Variants in DSE observed in about 807,000 individuals in gnomAD.
DSE encodes dermatan sulfate epimerase, also known as dermatan-sulfate epimerase.
Under a neutral mutation model 84.4 loss-of-function variants are expected in DSE, and 36 were observed. The observed-to-expected ratio is 0.43, with a 90% CI of 0.33 to 0.56. The LOEUF (loss-of-function observed/expected upper bound fraction) is 0.56, where lower values mean the gene tolerates loss of function less well. Ranked by LOEUF, DSE falls within the 20% of genes least tolerant of loss-of-function variation. The probability of loss-of-function intolerance (pLI) is 0.06; values close to 1 mark genes in which losing one functional copy is unlikely to be tolerated. For synonymous variants in DSE, 410 were observed against 430.1 expected (o/e 0.95, Z 0.58); for missense variants, 862 against 1,169.6 (o/e 0.74, Z 3.84).
rs576498950 is a variant in DSE, at chr6:116,399,438, C to T, written c.188C>T (p.Ser63Leu). 2 of 1,614,210 alleles carry T rather than the reference C, an allele frequency of 1.2e-6. No homozygotes were observed. The highest frequency in any genetic ancestry group is 1.7e-6 in the Non-Finnish European group (2 of 1,180,044). ...GAGCTGCAGCTCAGGGCTGCCAGCT[C>T]GCACGAGCACATTGCAGCCCGCCTC... ...VAELQLRAAS[S>L]HEHIAARLTE... The change falls in exon 2 of 6, where the codon TCG becomes TTG. Residue 63 changes from serine to leucine, a missense_variant. By Grantham distance (145) the Ser-to-Leu change is moderately radical. Transcript: ENST00000644252.
chr6:116,332,730 T>G (rs1255875600), intron 2 of DSE, among the ~76,000 whole-genome samples: 1 of 152,250 alleles, frequency 6.6e-6, no homozygotes, highest in Non-Finnish European at 1.5e-5. Context: ...CCTCAGTTTA[T>G]GAAAAGACAC....
chr6:116,342,619 G>A (rs1777679002), intron 2 of DSE, among the ~76,000 whole-genome samples: 1 of 152,188 alleles, frequency 6.6e-6, no homozygotes, highest in Middle Eastern at 3.2e-3. Context: ...GGCAAAATTT[G>A]TAAAAACCTT....
intron 2 of DSE, among the ~76,000 whole-genome samples, chr6:116,286,536 G>A (rs1208148918): frequency 2.0e-5 from 3 of 152,062 alleles, no homozygotes; most frequent in Non-Finnish European, 2.9e-5. Flanking sequence ...TTCTAAAAGA[G>A]TCTTTACTTT....
intron 2 of DSE, among the ~76,000 whole-genome samples, chr6:116,334,884 A>G (rs1172889419): frequency 1.3e-5 from 2 of 152,228 alleles, no homozygotes; most frequent in Non-Finnish European, 2.9e-5. Flanking sequence ...AAAAGTCAAA[A>G]TATAACAGAT....
At chr6:116,325,214 G>A (rs1197061795) in intron 2 of DSE, among the ~76,000 whole-genome samples, 2 of 152,172 alleles carry the variant, frequency 1.3e-5, no homozygotes, top group Non-Finnish European at 2.9e-5. Context: ...AAACCCTGGC[G>A]AGTGAGACTC....
chr6:116,321,388 GTTCTAAAAC>G (rs1776310449), intron 2 of DSE, among the ~76,000 whole-genome samples: 1 of 2,716 alleles, frequency 3.7e-4, no homozygotes. Context: ...TGGCCAGGCT[GTTCTAAAAC>G]TCCTGGCCTC....
At chr6:116,301,316 C>T (rs899005908) in intron 2 of DSE, among the ~76,000 whole-genome samples, 5 of 152,222 alleles carry the variant, frequency 3.3e-5, no homozygotes, top group African/African-American at 7.2e-5. Flanking sequence ...TTCTCTTCCT[C>T]GGAGATGATG....
upstream of DSE, among the ~76,000 whole-genome samples, chr6:116,365,404 C>T (rs1023483600): frequency 5.3e-5 from 8 of 152,152 alleles, no homozygotes; most frequent in African/African-American, 1.7e-4. Context: ...CAAGCACCCA[C>T]CACCACGCCT....
chr6:116,314,061 G>A (rs1775837263), intron 2 of DSE, among the ~76,000 whole-genome samples: 1 of 152,154 alleles, frequency 6.6e-6, no homozygotes, highest in Non-Finnish European at 1.5e-5. Context: ...CTCAGCCACT[G>A]CCTTGATGGC....
At chr6:116,409,263 C>T (rs1346282711) in intron 2 of DSE, among the ~76,000 whole-genome samples, 1 of 151,946 alleles carries the variant, frequency 6.6e-6, no homozygotes, top group East Asian at 1.9e-4. Context: ...TATAAGTTTA[C>T]TGTATTTGTT....
chr6:116,416,349 C>CTG (rs59237926), intron 2 of DSE, among the ~76,000 whole-genome samples: 12,237 of 133,852 alleles, frequency 0.091, 789 homozygotes, highest in African/African-American at 0.19. Context: ...CTAATTGCCA[C>CTG]TGTGTGTGTG....
intron 2 of DSE, among the ~76,000 whole-genome samples, chr6:116,347,457 G>T (rs200331928): frequency 6.7e-6 from 1 of 150,324 alleles, no homozygotes; most frequent in African/African-American, 2.4e-5. Flanking sequence ...ATAGACCAAT[G>T]GAACAGAACA....
At chr6:116,272,134 T>A (rs1013207) in intron 2 of DSE, among the ~76,000 whole-genome samples, 36,742 of 152,156 alleles carry the variant, frequency 0.24, 5,555 homozygotes, top group East Asian at 0.64. Flanking sequence ...TGATGATCAA[T>A]AGGTTGTTCC....
chr6:116,419,955 A>T (rs9481637), intron 2 of DSE, among the ~76,000 whole-genome samples: 1 of 150,946 alleles, frequency 6.6e-6, no homozygotes, highest in African/African-American at 2.5e-5. Flanking sequence ...AATACACTTT[A>T]AAAAATATGT....
intron 2 of DSE, chr6:116,278,244 A>G (rs1773259576): frequency 2.2e-6 from 1 of 447,858 alleles, no homozygotes; most frequent in Non-Finnish European, 4.1e-6. Flanking sequence ...TACAATCTAC[A>G]GTATCATTTG....
At chr6:116,423,377 A>G (rs1001798783) in intron 2 of DSE, among the ~76,000 whole-genome samples, 7 of 151,932 alleles carry the variant, frequency 4.6e-5, no homozygotes, top group Non-Finnish European at 8.8e-5. Context: ...CCTCACAGGT[A>G]TCTTTAATTT....
intron 2 of DSE, among the ~76,000 whole-genome samples, chr6:116,419,781 C>G (rs1407127760): frequency 1.3e-5 from 2 of 152,124 alleles, no homozygotes; most frequent in Non-Finnish European, 2.9e-5. Flanking sequence ...TGTATAAAAT[C>G]AGATTTTAAA....
chr6:116,305,135 C>CTT (rs796539743), intron 2 of DSE, among the ~76,000 whole-genome samples: 1 of 145,628 alleles, frequency 6.9e-6, no homozygotes, highest in Non-Finnish European at 1.5e-5. Flanking sequence ...TCAAACTTTC[C>CTT]TTTTTTTTTT....
intron 1 of DSE, among the ~76,000 whole-genome samples, chr6:116,387,582 G>T (rs1015868056): frequency 6.6e-6 from 1 of 152,116 alleles, no homozygotes; most frequent in Non-Finnish European, 1.5e-5. Flanking sequence ...GAGAAAGGAA[G>T]TGAGGCATAA....
Sources: gnomAD v4.1 joint callset for allele counts (sites outside exome capture counted in the v4.1 genomes callset) on GRCh38, gnomAD v4.1.1 for gene constraint, MANE v1.5 for transcripts, NCBI Gene and HGNC (gene_info 2026-07-23, HGNC 2026-07-21) for gene names.